The following MYO16 variants were observed in gnomAD, a reference collection of about 807,000 sequenced individuals.
The protein encoded by MYO16 is myosin XVI, also known as unconventional myosin-XVI.
Under a neutral mutation model 205.3 loss-of-function variants are expected in MYO16, and 94 were observed. The ratio of observed to expected loss-of-function variants is 0.46; its 90% confidence interval spans 0.39 to 0.54. The LOEUF is 0.54. Among genes scored for constraint, MYO16 ranks in the 20% least tolerant of loss-of-function variants. MYO16 has a pLI of 0.00. For missense variants in MYO16, 2,315 were observed against 2,387.5 expected (o/e 0.97, Z 0.63); for synonymous variants, 988 against 954.0 (o/e 1.04, Z -0.66).
rs61441934 is a variant in MYO16 at position 109,115,242 on chromosome 13, C to CA, written c.3439-5100dup. Among the ~76,000 whole-genome samples the CA allele has an allele frequency of 5.5e-3, 317 of 58,026 alleles. 34 individuals are homozygous for CA. The highest frequency in any genetic ancestry group is 0.021 in the African/African-American group (265 of 12,762). 38.1% of individuals were successfully genotyped at this position (58,026 alleles called of 152,430 possible). A position where few individuals can be genotyped will look rare whatever the true frequency, so the allele number is the denominator to read the frequency against. On this transcript the variant is annotated intron_variant, in intron 28 of 34. Coordinates refer to ENST00000457511, the MANE Select transcript of MYO16 (RefSeq NM_001198950.3). Reference sequence around the variant, plus strand: ...CTGTACCTCCACAGCCTACACCTCTCAAAAAAAAAAAAAAAAAAAAAAAAA... The same window carrying CA: ...CTGTACCTCCACAGCCTACACCTCTCAAAAAAAAAAAAAAAAAAAAAAAAAA...
chr13:108,606,856 G>T (rs1181102712), intron 1 of MYO16, among the ~76,000 whole-genome samples: 1 of 152,132 alleles, frequency 6.6e-6, no homozygotes, highest in African/African-American at 2.4e-5. Flanking sequence ...AGGGGTGAAG[G>T]GAGCTGTACC....
intron 33 of MYO16, among the ~76,000 whole-genome samples, chr13:109,174,951 C>T (rs9514999): frequency 0.32 from 47,777 of 151,280 alleles, 8,805 homozygotes; most frequent in Non-Finnish European, 0.43. Context: ...AGGGTTTCAC[C>T]GTGTTAGCCA....
At chr13:108,965,766 C>A (rs1306509878) in intron 20 of MYO16, among the ~76,000 whole-genome samples, 4 of 152,178 alleles carry the variant, frequency 2.6e-5, no homozygotes, top group African/African-American at 9.7e-5. Context: ...TTATATCTCT[C>A]CATTACATAT....
chr13:108,786,923 G>C (rs1008613950), intron 5 of MYO16, among the ~76,000 whole-genome samples: 14 of 152,154 alleles, frequency 9.2e-5, no homozygotes, highest in Admixed American at 2.0e-4. Flanking sequence ...GCTGTGCCTC[G>C]TAGGAGGCAG....
At chr13:108,672,633 A>T (rs930214697) in intron 2 of MYO16, among the ~76,000 whole-genome samples, 3 of 152,100 alleles carry the variant, frequency 2.0e-5, no homozygotes, top group Non-Finnish European at 4.4e-5. Flanking sequence ...TTGTCATTTT[A>T]ATATGCTGCA....
At chr13:109,033,675 A>C (rs895956183) in intron 23 of MYO16, among the ~76,000 whole-genome samples, 1 of 152,208 alleles carries the variant, frequency 6.6e-6, no homozygotes, top group African/African-American at 2.4e-5. Flanking sequence ...CAGACAGACA[A>C]GGGATGCTGA....
intron 15 of MYO16, among the ~76,000 whole-genome samples, chr13:108,908,972 C>CAAAAAAA (rs201906153): frequency 2.8e-4 from 31 of 111,616 alleles, no homozygotes; most frequent in African/African-American, 9.2e-4. Flanking sequence ...GACTGTGTCT[C>CAAAAAAA]AAAAAAAATA....
intron 16 of MYO16, among the ~76,000 whole-genome samples, chr13:108,951,868 T>C (rs1883166278): frequency 6.6e-6 from 1 of 152,090 alleles, no homozygotes; most frequent in South Asian, 2.1e-4. Flanking sequence ...TTTGGGAGGC[T>C]GAGGCAGGCC....
intron 6 of MYO16, among the ~76,000 whole-genome samples, chr13:108,802,704 A>G (rs893875224): frequency 4.6e-5 from 7 of 152,160 alleles, no homozygotes; most frequent in African/African-American, 1.7e-4. Context: ...TAACATACAG[A>G]TATTCCCCTT....
At chr13:108,870,947 T>G (rs536871030) in intron 12 of MYO16, among the ~76,000 whole-genome samples, 61 of 152,254 alleles carry the variant, frequency 4.0e-4, no homozygotes, top group African/African-American at 1.4e-3. Flanking sequence ...TTTAAGGTAT[T>G]ATCTGTTTCT....
chr13:108,810,359 C>T lies in MYO16; in HGVS notation c.867+3555C>T, dbSNP rs556405425. Among the ~76,000 whole-genome samples, 8 of 152,258 alleles carry T rather than the reference C, an allele frequency of 5.3e-5. No individual in the cohort carries two copies. The East Asian group carries it at 9.7e-4, about 18-fold the overall frequency. The stretch of plus-strand genomic sequence containing the variant: ...GTGACCGAAAGACAAAGGCAACCAA[C>T]ACAGAATCAGGTGCAAAACTGGAAA... On this transcript the variant is annotated intron_variant, in intron 7 of 34. Coordinates refer to ENST00000457511, the MANE Select transcript of MYO16 (RefSeq NM_001198950.3).
chr13:108,890,288 A>C (rs1427519804), intron 14 of MYO16, among the ~76,000 whole-genome samples: 1 of 151,884 alleles, frequency 6.6e-6, no homozygotes, highest in African/African-American at 2.4e-5. Context: ...TATTACTCCT[A>C]GCTCTTTAGT....
the MYO16 span, among the ~76,000 whole-genome samples, chr13:108,503,467 G>A: frequency 6.6e-6 from 1 of 151,824 alleles, no homozygotes; most frequent in East Asian, 1.9e-4. Flanking sequence ...TAAATAAAAG[G>A]TCAGAATCTT....
chr13:108,869,809 T>G (rs1276276718), intron 12 of MYO16, among the ~76,000 whole-genome samples: 2 of 148,818 alleles, frequency 1.3e-5, no homozygotes, highest in Admixed American at 6.7e-5. Flanking sequence ...TTTGTAAAAT[T>G]TATTAGCTAT....
chr13:109,159,605 A>G lies in MYO16; in HGVS notation c.5165-5296A>G, dbSNP rs572274337. On this transcript the variant is annotated intron_variant, in intron 32 of 34. Transcript: ENST00000457511. ...TGCCCACATTCCAGAGGAAGGAGACACAAAACAAACAATTGGGCTGTTCTG... is the reference window on the plus strand; with the variant it reads ...TGCCCACATTCCAGAGGAAGGAGACGCAAAACAAACAATTGGGCTGTTCTG... Among the ~76,000 whole-genome samples, 4 of 152,368 alleles carry G rather than the reference A, an allele frequency of 2.6e-5. 1 individual carries two copies. In the South Asian group the frequency reaches 8.3e-4, roughly 32 times the overall value.
intron 1 of MYO16, among the ~76,000 whole-genome samples, chr13:108,632,183 T>C (rs1017314115): frequency 3.3e-5 from 5 of 151,996 alleles, no homozygotes; most frequent in Non-Finnish European, 7.4e-5. Flanking sequence ...ATGCGTAAGA[T>C]TTTCCCAAAT....
chr13:108,763,417 G>A (rs1332570894), intron 4 of MYO16, among the ~76,000 whole-genome samples: 1 of 152,190 alleles, frequency 6.6e-6, no homozygotes, highest in East Asian at 1.9e-4. Flanking sequence ...TAAGATTGCA[G>A]GGGAAATCTG....
chr13:108,776,517 A>G (rs1886129510), intron 4 of MYO16, among the ~76,000 whole-genome samples: 2 of 152,134 alleles, frequency 1.3e-5, no homozygotes, highest in Non-Finnish European at 2.9e-5. Flanking sequence ...ATTATTTCCT[A>G]TATTCCTTAA....
intron 16 of MYO16, among the ~76,000 whole-genome samples, chr13:108,932,024 C>T (rs2139293022): frequency 6.6e-6 from 1 of 152,220 alleles, no homozygotes; most frequent in Middle Eastern, 3.4e-3. Flanking sequence ...TCACTCTGTG[C>T]TTCATTCCGG....
Sources: allele counts gnomAD v4.1 joint callset (sites outside exome capture counted in the v4.1 genomes callset), GRCh38; gene constraint gnomAD v4.1.1; transcripts MANE v1.5; gene names NCBI Gene and HGNC (gene_info 2026-07-23, HGNC 2026-07-21).